The following CSNK1A1L variants were observed in gnomAD, a reference collection of about 807,000 sequenced individuals.
CSNK1A1L encodes casein kinase I isoform alpha-like.
In CSNK1A1L, 20 loss-of-function variants were observed where a neutral mutation model predicts 24.6. The observed-to-expected ratio is 0.81, with a 90% confidence interval of 0.57 to 1.18. The LOEUF (loss-of-function observed/expected upper bound fraction) is 1.18. CSNK1A1L is among the 50% of genes most tolerant of loss of function. The pLI is 0.00. For synonymous variants in CSNK1A1L, 152 were observed against 154.0 expected (o/e 0.99, Z 0.09); for missense variants, 414 against 419.0 (o/e 0.99, Z 0.10).
rs751229438 is a variant in CSNK1A1L at position 37,104,449 on chromosome 13, C to T, written c.808G>A (p.Glu270Lys). 5 of 1,614,180 alleles carry T rather than the reference C, an allele frequency of 3.1e-6. No individual in the cohort carries two copies. In the Middle Eastern group the frequency reaches 4.9e-4, roughly 160 times the overall value. Reference sequence around the variant, plus strand: ...CTCAGATACATGTAATCTGGGACTTCCTCAAAGCGCAGCCCACGACAGTAG... The same window carrying T: ...CTCAGATACATGTAATCTGGGACTTTCTCAAAGCGCAGCCCACGACAGTAG... ...LNYCRGLRFEEVPDYMYLRQL... is the reference protein window; with the variant it reads ...LNYCRGLRFEKVPDYMYLRQL... The change falls in exon 1 of 1, where the codon GAA becomes AAA. Residue 270 changes from glutamate to lysine, a missense_variant. Glu to Lys is a moderately conservative substitution (Grantham distance 56). Coordinates refer to ENST00000379800, the MANE Select transcript of CSNK1A1L (RefSeq NM_145203.6).
Position 37,104,969 on chromosome 13 carries a change from G to A in CSNK1A1L, c.288C>T (p.Ser96=). Residue 96 remains serine, a synonymous_variant, in exon 1 of 1, where the codon AGC becomes AGT. Transcript: ENST00000379800. The part of the protein sequence containing the change: ...NVLVMDLLGP[S]LEDLFNFCSR... ...AACAGAAATTAAAGAGGTCTTCGAGGCTGGGTCCCAGAAGGTCCATGACTA... is the reference window on the plus strand; with the variant it reads ...AACAGAAATTAAAGAGGTCTTCGAGACTGGGTCCCAGAAGGTCCATGACTA... The A allele has an allele frequency of 1.2e-6, 2 of 1,613,996 alleles. No homozygotes were observed. Among genetic ancestry groups the A allele is most frequent in the Non-Finnish European group, 1.7e-6 (2 of 1,179,990 alleles).
At position 37,104,762 on chromosome 13, in the gene CSNK1A1L, T is replaced by C. The variant is rs752739194; in HGVS notation, c.495A>G (p.Arg165=). 1.9e-6 allele frequency: 3 copies of C among 1,614,048 alleles called. No individual in the cohort carries two copies. In the South Asian group the frequency reaches 3.3e-5, roughly 18 times the overall value. Residue 165 remains arginine, a synonymous_variant, in exon 1 of 1, where the codon AGA becomes AGG. Transcript: ENST00000379800. The part of the protein sequence containing the change: ...LIDFGLAKKY[R]DNRTRQHIPY... ...GTATGTGTTGCCTGGTCCTGTTGTC[T>C]CTGTACTTTTTGGCCAAACCAAAAT...
Position 37,105,388 on chromosome 13 carries a change from G to T in CSNK1A1L, c.-132C>A. On this transcript the variant is annotated 5_prime_UTR_variant, in exon 1 of 1. Coordinates refer to ENST00000379800, the MANE Select transcript of CSNK1A1L (RefSeq NM_145203.6). The stretch of plus-strand genomic sequence containing the variant: ...AATGGCCACCGAGGCGTTTCCCGGT[G>T]TTACAGGGCGTGGAGTCAGCCTGAT... 1.1e-6 allele frequency: 1 copy of T among 946,036 alleles called. No individual in the cohort carries two copies. Among genetic ancestry groups the T allele is most frequent in the Non-Finnish European group, 1.6e-6 (1 of 625,466 alleles). The allele number at this position is 946,036 out of a possible 1,614,324, so 58.6% of individuals were successfully genotyped here.
rs2070762091 is a variant in CSNK1A1L at position 37,104,148 on chromosome 13, T to A, written c.*95A>T. On this transcript the variant is annotated 3_prime_UTR_variant, in exon 1 of 1. Coordinates refer to ENST00000379800, the MANE Select transcript of CSNK1A1L (RefSeq NM_145203.6). ...CAACTAAATGGTTGTTCACAGCCAC[T>A]AGCTGGTGTACATATGAACTACAAT... is the stretch of plus-strand genomic sequence containing the variant. The A allele has an allele frequency of 2.0e-6, 3 of 1,510,982 alleles. No individual in the cohort carries two copies. The Admixed American group carries it at 5.2e-5, about 26-fold the overall frequency. 93.6% of individuals were successfully genotyped at this position (1,510,982 alleles called of 1,614,324 possible). A position where few individuals can be genotyped will look rare whatever the true frequency, so the allele number is the denominator to read the frequency against.
Position 37,104,326 on chromosome 13 carries a change from A to G in CSNK1A1L, c.931T>C (p.Ser311Pro). The G allele has an allele frequency of 6.2e-7, 1 of 1,614,192 alleles. No homozygotes were observed. The highest frequency in any genetic ancestry group is 8.5e-7 in the Non-Finnish European group (1 of 1,180,036). The change falls in exon 1 of 1, where the codon TCT becomes CCT. Residue 311 changes from serine (S) to proline (P), a missense_variant. Transcript: ENST00000379800. ...LKQKAAQQAA[S>P]SSGQGQQAQT... The stretch of plus-strand genomic sequence containing the variant: ...GCCTGCTGACCCTGCCCACTGGAAG[A>G]GGCTGCCTGCTGTGCTGCTTTCTGC...
At position 37,104,991 on chromosome 13, in the gene CSNK1A1L, A is replaced by G; in HGVS notation, c.266T>C (p.Val89Ala). Residue 89 changes from valine (V) to alanine (A), a missense_variant, in exon 1 of 1, where the codon GTC (valine) becomes GCC (alanine). Transcript: ENST00000379800. ...GAGGCTGGGTCCCAGAAGGTCCATG[A>G]CTAGCACATTGTTGTCTTTTTCCTG... ...YGQEKDNNVL[V>A]MDLLGPSLED... 6.2e-7 allele frequency: 1 copy of G among 1,614,050 alleles called. No individual in the cohort carries two copies. The highest frequency in any genetic ancestry group is 8.5e-7 in the Non-Finnish European group (1 of 1,180,014).
chr13:37,105,437 G>T lies in CSNK1A1L; in HGVS notation c.-181C>A. On this transcript the variant is annotated 5_prime_UTR_variant, in exon 1 of 1. Transcript: ENST00000379800. The stretch of plus-strand genomic sequence containing the variant: ...ATCCCTGCAGCACACCAGGATTTCC[G>T]CCAGGCCACAGTTTGCGAGGGTTTC... 1 of 619,776 alleles carries T rather than the reference G, an allele frequency of 1.6e-6. No individual in the cohort carries two copies. Among genetic ancestry groups the T allele is most frequent in the Non-Finnish European group, 2.8e-6 (1 of 356,106 alleles). 38.4% of individuals were successfully genotyped at this position (619,776 alleles called of 1,614,324 possible).
rs1205241740 is a variant in CSNK1A1L at position 37,105,074 on chromosome 13, G to A, written c.183C>T (p.Ser61=). ...KVKHPQLLYE[S]KLYTILQGGV... ...CACCTTGAAGAATCGTGTAGAGTTT[G>A]CTCTCATACAGCAACTGGGGGTGCT... The change falls in exon 1 of 1, where the codon AGC becomes AGT. Residue 61 remains serine, a synonymous_variant. Transcript: ENST00000379800. The A allele has an allele frequency of 1.2e-6, 2 of 1,614,150 alleles. No homozygotes were observed. The highest frequency in any genetic ancestry group is 1.7e-6 in the Non-Finnish European group (2 of 1,180,022).
chr13:37,105,398 G>T lies in CSNK1A1L; in HGVS notation c.-142C>A. On this transcript the variant is annotated 5_prime_UTR_variant, in exon 1 of 1. Coordinates refer to ENST00000379800, the MANE Select transcript of CSNK1A1L (RefSeq NM_145203.6). ...GAGGCGTTTCCCGGTGTTACAGGGC[G>T]TGGAGTCAGCCTGATCCCTGCAGCA... The T allele has an allele frequency of 2.4e-6, 2 of 831,602 alleles. No individual in the cohort carries two copies. The highest frequency in any genetic ancestry group is 3.5e-5 in the South Asian group (2 of 57,478). The allele number at this position is 831,602 out of a possible 1,614,324, so 51.5% of individuals were successfully genotyped here.
In CSNK1A1L at chr13:37,104,731, T is replaced by C. The variant is rs771771594; in HGVS notation, c.526A>G (p.Arg176Gly). Reference sequence around the variant, plus strand: ...GTGCCAATGAGGTGTTTATCTTCTCTGTACGGTATGTGTTGCCTGGTCCTG... The same window carrying C: ...GTGCCAATGAGGTGTTTATCTTCTCCGTACGGTATGTGTTGCCTGGTCCTG... ...DNRTRQHIPY[R>G]EDKHLIGTVR... The change falls in exon 1 of 1, where the codon AGA (arginine) becomes GGA (glycine). Residue 176 changes from arginine to glycine, a missense_variant. By Grantham distance (125) the Arg-to-Gly change is moderately radical. Coordinates refer to ENST00000379800, the MANE Select transcript of CSNK1A1L (RefSeq NM_145203.6). 1.6e-5 allele frequency: 26 copies of C among 1,614,136 alleles called. No homozygotes were observed. In the Middle Eastern group the frequency reaches 6.6e-4, roughly 41 times the overall value.
Position 37,105,298 on chromosome 13 carries a change from T to C in CSNK1A1L, c.-42A>G, listed in dbSNP as rs2070771005. 1.3e-6 allele frequency: 2 copies of C among 1,577,882 alleles called. No individual in the cohort carries two copies. Among genetic ancestry groups the C allele is most frequent in the Non-Finnish European group, 1.7e-6 (2 of 1,162,336 alleles). Reference sequence around the variant, plus strand: ...GGAGGCTGGGCTCAGCCCTGACCCCTCTAGGGGAGGATGGAGGCCTCCGGG... The same window carrying C: ...GGAGGCTGGGCTCAGCCCTGACCCCCCTAGGGGAGGATGGAGGCCTCCGGG... On this transcript the variant is annotated 5_prime_UTR_variant, in exon 1 of 1. Coordinates refer to ENST00000379800, the MANE Select transcript of CSNK1A1L (RefSeq NM_145203.6).
chr13:37,105,034 G>A lies in CSNK1A1L; in HGVS notation c.223C>T (p.His75Tyr). 1.2e-6 allele frequency: 2 copies of A among 1,614,050 alleles called. No homozygotes were observed. The highest frequency in any genetic ancestry group is 1.1e-5 in the South Asian group (1 of 91,074). ...TTTTCCTGACCATACCAGTGCATGT[G>A]GGGGATGCCAACCCCACCTTGAAGA... ...TILQGGVGIP[H>Y]MHWYGQEKDN... The change falls in exon 1 of 1, where the codon CAC (histidine) becomes TAC (tyrosine). Residue 75 changes from histidine (H) to tyrosine (Y), a missense_variant. Physicochemically the swap from His to Tyr is moderately conservative, Grantham distance 83 (BLOSUM62 2). Coordinates refer to ENST00000379800, the MANE Select transcript of CSNK1A1L (RefSeq NM_145203.6).
Position 37,105,579 on chromosome 13 carries a change from C to T in CSNK1A1L, c.-323G>A. On this transcript the variant is annotated 5_prime_UTR_variant, in exon 1 of 1. Coordinates refer to ENST00000379800, the MANE Select transcript of CSNK1A1L (RefSeq NM_145203.6). Reference sequence around the variant, plus strand: ...GCGAGTTGGGGCAGCAGTACTGCTGCCACCGCTACCAACGGCTGTGGGCCA... The same window carrying T: ...GCGAGTTGGGGCAGCAGTACTGCTGTCACCGCTACCAACGGCTGTGGGCCA... 1 of 275,810 alleles carries T rather than the reference C, an allele frequency of 3.6e-6. No individual in the cohort carries two copies. 17.1% of individuals were successfully genotyped at this position (275,810 alleles called of 1,614,324 possible). A position where few individuals can be genotyped will look rare whatever the true frequency, so the allele number is the denominator to read the frequency against.
chr13:37,104,719 GT>G, the CSNK1A1L span: 2 of 1,614,010 alleles, frequency 1.2e-6, no homozygotes, highest in Non-Finnish European at 1.7e-6. Flanking sequence ...CCAATGAGGT[GT>G]TTATCTTCTC....
In CSNK1A1L at chr13:37,105,195, C is replaced by T. The variant is rs373362769; in HGVS notation, c.62G>A (p.Arg21Gln). The change falls in exon 1 of 1, where the codon CGG becomes CAG. Residue 21 changes from arginine (R) to glutamine (Q), a missense_variant. Physicochemically the swap from Arg to Gln is conservative, Grantham distance 43 (BLOSUM62 1). Coordinates refer to ENST00000379800, the MANE Select transcript of CSNK1A1L (RefSeq NM_145203.6). ...LVVGGKYKLVRKIGSGSFGDV... is the reference protein window; with the variant it reads ...LVVGGKYKLVQKIGSGSFGDV... ...TCCAAAGGAGCCAGACCCGATCTTC[C>T]GCACCAGTTTGTATTTCCCTCCCAC... 26 of 1,614,042 alleles carry T rather than the reference C, an allele frequency of 1.6e-5. No individual in the cohort carries two copies. Among genetic ancestry groups the T allele is most frequent in the Non-Finnish European group, 1.7e-5 (20 of 1,180,038 alleles).
In CSNK1A1L at chr13:37,104,470, A is replaced by G; in HGVS notation, c.787T>C (p.Cys263Arg). The G allele has an allele frequency of 6.2e-7, 1 of 1,614,236 alleles. No homozygotes were observed. Among genetic ancestry groups the G allele is most frequent in the Non-Finnish European group, 8.5e-7 (1 of 1,180,042 alleles). The change falls in exon 1 of 1, where the codon TGT becomes CGT. Residue 263 changes from cysteine (C) to arginine (R), a missense_variant. By Grantham distance (180) the Cys-to-Arg change is radical. Transcript: ENST00000379800. ...ACTTCCTCAAAGCGCAGCCCACGAC[A>G]GTAGTTCAAGTACATGGCGAATTCT... ...PAEFAMYLNYCRGLRFEEVPD... is the reference protein window; with the variant it reads ...PAEFAMYLNYRRGLRFEEVPD...
chr13:37,104,988 A>C lies in CSNK1A1L; in HGVS notation c.269T>G (p.Met90Arg), dbSNP rs890987309. 6.2e-7 allele frequency: 1 copy of C among 1,614,148 alleles called. No homozygotes were observed. The highest frequency in any genetic ancestry group is 1.1e-5 in the South Asian group (1 of 91,076). Reference protein sequence around the residue: ...GQEKDNNVLVMDLLGPSLEDL... With the variant: ...GQEKDNNVLVRDLLGPSLEDL... The stretch of plus-strand genomic sequence containing the variant: ...TTCGAGGCTGGGTCCCAGAAGGTCC[A>C]TGACTAGCACATTGTTGTCTTTTTC... Residue 90 changes from methionine (M) to arginine (R), a missense_variant, in exon 1 of 1, where the codon ATG becomes AGG. Physicochemically the swap from Met to Arg is moderately conservative, Grantham distance 91. Coordinates refer to ENST00000379800, the MANE Select transcript of CSNK1A1L (RefSeq NM_145203.6).
Position 37,103,952 on chromosome 13 carries a change from G to C in CSNK1A1L, c.*291C>G, listed in dbSNP as rs886139846. The C allele has an allele frequency of 2.2e-6, 1 of 460,512 alleles. No homozygotes were observed. Among genetic ancestry groups the C allele is most frequent in the Non-Finnish European group, 3.9e-6 (1 of 254,306 alleles). The allele number at this position is 460,512 out of a possible 1,614,324, so 28.5% of individuals were successfully genotyped here. A position where few individuals can be genotyped will look rare whatever the true frequency, so the allele number is the denominator to read the frequency against. On this transcript the variant is annotated 3_prime_UTR_variant, in exon 1 of 1. Transcript: ENST00000379800. ...ATATGGACAATGTCTCCACCAATTCGTGTGTGTCAACCATTTAGTTAACTT... is the reference window on the plus strand; with the variant it reads ...ATATGGACAATGTCTCCACCAATTCCTGTGTGTCAACCATTTAGTTAACTT...
chr13:37,104,838 T>G lies in CSNK1A1L; in HGVS notation c.419A>C (p.Asp140Ala). ...KNFLHRDIKP[D>A]NFLMGTGRHC... ...ACGCCCAGTACCCATCAGGAAGTTA[T>G]CTGGTTTAATGTCTCGGTGTAGAAA... Residue 140 changes from aspartate (D) to alanine (A), a missense_variant, in exon 1 of 1, where the codon GAT becomes GCT. Transcript: ENST00000379800. 1 of 1,614,076 alleles carries G rather than the reference T, an allele frequency of 6.2e-7. No individual in the cohort carries two copies. Among genetic ancestry groups the G allele is most frequent in the Non-Finnish European group, 8.5e-7 (1 of 1,180,010 alleles).
Sources: gnomAD v4.1 joint callset for allele counts on GRCh38, gnomAD v4.1.1 for gene constraint, MANE v1.5 for transcripts, NCBI Gene and HGNC (gene_info 2026-07-23, HGNC 2026-07-21) for gene names.